Variants in SH2D4B observed in about 807,000 individuals in gnomAD.
SH2D4B encodes SH2 domain containing 4B, also known as SH2 domain-containing protein 4B.
Under a neutral mutation model 61.5 loss-of-function variants are expected in SH2D4B, and 45 were observed. The observed-to-expected ratio is 0.73, with a 90% CI of 0.58 to 0.94. The LOEUF is 0.94. Ranked by LOEUF, SH2D4B falls within the 40% of genes least tolerant of loss-of-function variation. SH2D4B has a pLI of 0.00. For missense variants in SH2D4B, 572 were observed against 574.2 expected (o/e 1.00, Z 0.04); for synonymous variants, 224 against 220.4 (o/e 1.02, Z -0.14).
At chr10:80,598,008 C>G (rs7917014) in intron 4 of SH2D4B, among the ~76,000 whole-genome samples, 20,892 of 152,100 alleles carry the variant, frequency 0.14, 1,717 homozygotes, top group East Asian at 0.31. Context: ...GGAGGCAGAG[C>G]AAAGGTTTAT....
chr10:80,546,361 C>T (rs190658096), intron 1 of SH2D4B, among the ~76,000 whole-genome samples: 36 of 151,660 alleles, frequency 2.4e-4, no homozygotes, highest in Non-Finnish European at 2.9e-5. Context: ...ATTCAATTTA[C>T]ATTTCTTGTT....
chr10:80,594,912 C>T (rs1310238530), intron 4 of SH2D4B, among the ~76,000 whole-genome samples: 1 of 151,960 alleles, frequency 6.6e-6, no homozygotes, highest in East Asian at 1.9e-4. Context: ...CATAACTGGG[C>T]AGTTGGGAAG....
chr10:80,540,784 C>T (rs1841567169), intron 1 of SH2D4B: 4 of 1,539,730 alleles, frequency 2.6e-6, no homozygotes, highest in Non-Finnish European at 2.6e-6. Flanking sequence ...ATAGGGAACA[C>T]AGCCAACTCG....
intron 6 of SH2D4B, among the ~76,000 whole-genome samples, chr10:80,613,218 C>T (rs75163829): frequency 0.023 from 3,436 of 152,218 alleles, 115 homozygotes; most frequent in African/African-American, 0.074. Context: ...CTTGTTTCTC[C>T]TTTGTTCATT....
In SH2D4B at chr10:80,545,687, G is replaced by T. The variant is rs543887320; in HGVS notation, c.184+7172G>T. ...ATCCCAGCATCGAGAACAAGGTCTG[G>T]GGCAGAGATGGGGTGTGCATGGGTG... is the stretch of plus-strand genomic sequence containing the variant. On this transcript the variant is annotated intron_variant, in intron 1 of 7. Transcript: ENST00000646907. 9.4e-4 allele frequency among the ~76,000 whole-genome samples: 143 copies of T among 152,248 alleles called. 1 individual carries two copies. Among genetic ancestry groups the T allele is most frequent in the African/African-American group, 3.2e-3 (134 of 41,538 alleles).
chr10:80,608,267 G>A (rs562623992), intron 5 of SH2D4B, among the ~76,000 whole-genome samples: 1 of 152,298 alleles, frequency 6.6e-6, no homozygotes, highest in East Asian at 1.9e-4. Context: ...ACTATGGATG[G>A]AATGGGTGAG....
chr10:80,550,044 C>G (rs1273038699), intron 1 of SH2D4B, among the ~76,000 whole-genome samples: 1 of 151,030 alleles, frequency 6.6e-6, no homozygotes, highest in Non-Finnish European at 1.5e-5. Flanking sequence ...GAACTTGCAG[C>G]CTTAGTCAGC....
intron 6 of SH2D4B, among the ~76,000 whole-genome samples, chr10:80,618,932 G>A (rs1215965702): frequency 6.6e-6 from 1 of 152,140 alleles, no homozygotes; most frequent in Non-Finnish European, 1.5e-5. Context: ...GCTAACATAC[G>A]GATTTATGGC....
At chr10:80,591,996 C>T (rs1021054003) in intron 4 of SH2D4B, among the ~76,000 whole-genome samples, 1 of 152,158 alleles carries the variant, frequency 6.6e-6, no homozygotes, top group African/African-American at 2.4e-5. Flanking sequence ...CATTTTATAT[C>T]CTTATTAGCA....
At chr10:80,595,753 G>T (rs1275159270) in intron 4 of SH2D4B, among the ~76,000 whole-genome samples, 2 of 152,200 alleles carry the variant, frequency 1.3e-5, no homozygotes, top group Non-Finnish European at 2.9e-5. Context: ...TCCTCCTGGA[G>T]TACCAGAGTG....
intron 1 of SH2D4B, among the ~76,000 whole-genome samples, chr10:80,552,367 C>T (rs558418031): frequency 2.6e-4 from 39 of 152,302 alleles, no homozygotes; most frequent in African/African-American, 8.7e-4. Context: ...GAGGGAGGTG[C>T]CTCTCCTGCG....
chr10:80,605,168 T>TC (rs941519828), intron 5 of SH2D4B, among the ~76,000 whole-genome samples: 1 of 151,948 alleles, frequency 6.6e-6, no homozygotes, highest in African/African-American at 2.4e-5. Flanking sequence ...TCCTCCTCTT[T>TC]TTTTTTTGTG....
At chr10:80,632,331 A>G (rs1022090619) in intron 6 of SH2D4B, among the ~76,000 whole-genome samples, 9 of 152,188 alleles carry the variant, frequency 5.9e-5, no homozygotes, top group African/African-American at 2.2e-4. Context: ...AAGTAGATTG[A>G]TTTAGCCATC....
chr10:80,645,385 AGCCAATGGTAGCTTGCCACAT>A lies in SH2D4B; in HGVS notation c.*1304_*1324del, dbSNP rs1840381795. 6.6e-6 allele frequency: 1 copy of A among 152,222 alleles called. No individual in the cohort carries two copies. The highest frequency in any genetic ancestry group is 6.5e-5 in the Admixed American group (1 of 15,272). 9.4% of individuals were successfully genotyped at this position (152,222 alleles called of 1,614,324 possible). On this transcript the variant is annotated 3_prime_UTR_variant, in exon 8 of 8. Transcript: ENST00000646907. ...TGTTGATCAGTGTCATGTGAGCATAAGCCAATGGTAGCTTGCCACATGCCCCATCTCCCATTGCTGCAGAGG... is the reference window on the plus strand; with the variant it reads ...TGTTGATCAGTGTCATGTGAGCATAAGCCCCATCTCCCATTGCTGCAGAGG...
chr10:80,635,337 G>A (rs1300316222), intron 7 of SH2D4B, among the ~76,000 whole-genome samples: 4 of 152,218 alleles, frequency 2.6e-5, no homozygotes, highest in African/African-American at 7.2e-5. Context: ...AGGGCAGGAC[G>A]AAGGATTCCG....
intron 1 of SH2D4B, among the ~76,000 whole-genome samples, chr10:80,555,002 C>CAAAAAA (rs35160548): frequency 4.7e-5 from 3 of 63,660 alleles, no homozygotes; most frequent in African/African-American, 7.4e-5. Flanking sequence ...AGGCGAGTCT[C>CAAAAAA]AAAAAAAAAA....
At chr10:80,572,969 TA>T (rs1564771920) in intron 3 of SH2D4B, among the ~76,000 whole-genome samples, 33 of 9,312 alleles carry the variant, frequency 3.5e-3, no homozygotes, top group African/African-American at 7.5e-3. Context: ...TATATATATA[TA>T]TATATATATA....
At chr10:80,581,509 C>T (rs1389317952) in intron 3 of SH2D4B, among the ~76,000 whole-genome samples, 7 of 152,062 alleles carry the variant, frequency 4.6e-5, no homozygotes, top group Non-Finnish European at 1.0e-4. Flanking sequence ...GGGTTAGACC[C>T]TACTCCAATA....
At chr10:80,595,352 T>C (rs1011639573) in intron 4 of SH2D4B, among the ~76,000 whole-genome samples, 1 of 152,206 alleles carries the variant, frequency 6.6e-6, no homozygotes, top group African/African-American at 2.4e-5. Flanking sequence ...TGGGCTGTCT[T>C]TGCTCTCCAA....
Sources: gnomAD v4.1 joint callset for allele counts (sites outside exome capture counted in the v4.1 genomes callset) on GRCh38, gnomAD v4.1.1 for gene constraint, MANE v1.5 for transcripts, NCBI Gene and HGNC (gene_info 2026-07-23, HGNC 2026-07-21) for gene names.